The following SLC30A7 variants were observed in gnomAD, a reference collection of about 807,000 sequenced individuals.
The protein encoded by SLC30A7 is solute carrier family 30 member 7.
In SLC30A7, 35 loss-of-function variants were observed where a neutral mutation model predicts 46.0. The ratio of observed to expected loss-of-function variants is 0.76; its 90% CI spans 0.58 to 1.01. SLC30A7 has a LOEUF of 1.01. Among genes scored for constraint, SLC30A7 ranks in the 50% least tolerant of loss-of-function variants. The pLI, the probability that SLC30A7 is intolerant of heterozygous loss-of-function variation, is 0.00. For synonymous variants in SLC30A7, 147 were observed against 157.8 expected (o/e 0.93, Z 0.51); for missense variants, 464 against 451.1 (o/e 1.03, Z -0.26).
intron 6 of SLC30A7, among the ~76,000 whole-genome samples, chr1:100,915,189 T>TCCCTTCCTCAC (rs1216720657): frequency 8.4e-5 from 7 of 82,956 alleles, no homozygotes; most frequent in African/African-American, 3.3e-4. Flanking sequence ...TTTTCTTTTC[T>TCCCTTCCTCAC]TTCTTTTCTT....
intron 8 of SLC30A7, among the ~76,000 whole-genome samples, chr1:100,937,381 A>G (rs1172718873): frequency 6.6e-6 from 1 of 152,228 alleles, no homozygotes; most frequent in African/African-American, 2.4e-5. Flanking sequence ...ACACCAGTTT[A>G]CATTTTCACC....
intron 8 of SLC30A7, 109 bp downstream of exon 8, chr1:100,921,950 C>G: frequency 1.0e-5 from 4 of 398,194 alleles, no homozygotes; most frequent in Non-Finnish European, 1.6e-5. Context: ...CCTTTGCTTG[C>G]TTTTTTTTTT....
chr1:100,915,812 G>A (rs1016845149), intron 6 of SLC30A7, among the ~76,000 whole-genome samples: 1 of 152,062 alleles, frequency 6.6e-6, no homozygotes, highest in African/African-American at 2.4e-5. Context: ...CTGATCATAC[G>A]GTAGTTCCAT....
chr1:100,921,156 T>A (rs762935555), intron 7 of SLC30A7, among the ~76,000 whole-genome samples: 9 of 152,118 alleles, frequency 5.9e-5, no homozygotes, highest in Non-Finnish European at 7.4e-5. Flanking sequence ...TGCTTTCACG[T>A]CACCTCTGAG....
intron 6 of SLC30A7, among the ~76,000 whole-genome samples, chr1:100,914,554 T>C (rs1652353155): frequency 6.6e-6 from 1 of 152,200 alleles, no homozygotes; most frequent in Non-Finnish European, 1.5e-5. Context: ...TAGAAATCTT[T>C]GGATGCTAAC....
At chr1:100,934,993 C>T (rs1039992345) in intron 8 of SLC30A7, among the ~76,000 whole-genome samples, 1 of 152,026 alleles carries the variant, frequency 6.6e-6, no homozygotes, top group African/African-American at 2.4e-5. Context: ...CAGACCAAGA[C>T]TCTGTCCCAC....
intron 8 of SLC30A7, among the ~76,000 whole-genome samples, chr1:100,948,277 A>G (rs1029455322): frequency 6.6e-6 from 1 of 152,106 alleles, no homozygotes; most frequent in Non-Finnish European, 1.5e-5. Context: ...TCTGTAAAAG[A>G]TTTTATTTCT....
Position 100,896,660 on chromosome 1 carries a change from C to A in SLC30A7, c.171C>A (p.Ile57=). Residue 57 remains isoleucine, a synonymous_variant, in exon 2 of 11, where the codon ATC becomes ATA. Transcript: ENST00000357650. ...CTTTTGTGGAACTACTCTACGGCAT[C>A]TGGAGCAACTGGTAACCAAAGGGGA... ...SFAFVELLYG[I]WSNCLGLISD... The A allele has an allele frequency of 6.2e-7, 1 of 1,613,910 alleles. No homozygotes were observed. Among genetic ancestry groups the A allele is most frequent in the Non-Finnish European group, 8.5e-7 (1 of 1,179,864 alleles).
the SLC30A7 span, chr1:100,992,810 G>A: frequency 9.5e-7 from 1 of 1,051,820 alleles, no homozygotes; most frequent in East Asian, 2.4e-5. Context: ...AATGCAATTA[G>A]CTCTCCCAGG....
intron 6 of SLC30A7, among the ~76,000 whole-genome samples, chr1:100,914,339 C>T (rs528366981): frequency 6.6e-6 from 1 of 152,270 alleles, no homozygotes; most frequent in South Asian, 2.1e-4. Context: ...CCCCCTTTCC[C>T]TCCCCTCAAA....
intron 2 of SLC30A7, among the ~76,000 whole-genome samples, chr1:100,901,892 T>G (rs1414156528): frequency 6.6e-6 from 1 of 152,274 alleles, no homozygotes; most frequent in Non-Finnish European, 1.5e-5. Flanking sequence ...TTTACTGAAG[T>G]TACCTTTGGT....
chr1:100,904,302 A>G (rs1651502544), intron 2 of SLC30A7, among the ~76,000 whole-genome samples: 1 of 152,194 alleles, frequency 6.6e-6, no homozygotes, highest in African/African-American at 2.4e-5. Context: ...AGTCTGTGAT[A>G]AGCCAATTGG....
At chr1:100,905,440 A>G (rs1349884184) in intron 2 of SLC30A7, among the ~76,000 whole-genome samples, 1 of 151,592 alleles carries the variant, frequency 6.6e-6, no homozygotes, top group Non-Finnish European at 1.5e-5. Context: ...ATTTTCTTTT[A>G]TGAATTTCAG....
chr1:100,928,953 G>A (rs1653490920), intron 8 of SLC30A7, among the ~76,000 whole-genome samples: 1 of 152,146 alleles, frequency 6.6e-6, no homozygotes, highest in African/African-American at 2.4e-5. Flanking sequence ...GGATGACTAA[G>A]TTGTCAGCAA....
At chr1:100,961,786 C>T in intron 8 of SLC30A7, 42 bp from the exon 9 acceptor site, 3 of 1,239,702 alleles carry the variant, frequency 2.4e-6, no homozygotes, top group Non-Finnish European at 3.5e-6. Context: ...ATGGGATTAG[C>T]AGAATGTGAC....
At chr1:100,900,502 C>T (rs960675787) in intron 2 of SLC30A7, among the ~76,000 whole-genome samples, 2 of 152,124 alleles carry the variant, frequency 1.3e-5, no homozygotes, top group Non-Finnish European at 2.9e-5. Flanking sequence ...TTAAAATCAA[C>T]TTTTTCCTTC....
At chr1:100,960,404 C>T (rs114023684) in intron 8 of SLC30A7, among the ~76,000 whole-genome samples, 85 of 152,230 alleles carry the variant, frequency 5.6e-4, no homozygotes, top group African/African-American at 1.9e-3. Context: ...TTCTGTCATT[C>T]GTTTAACCAA....
At chr1:100,995,647 A>G in the SLC30A7 span, 1 of 155,754 alleles carries the variant, frequency 6.4e-6, no homozygotes, top group East Asian at 1.9e-4. Context: ...GGATTTGAGC[A>G]TGGACTGTGT....
At chr1:100,918,261 G>C in intron 7 of SLC30A7, 134 bp downstream of exon 7, 1 of 653,382 alleles carries the variant, frequency 1.5e-6, no homozygotes, top group Non-Finnish European at 2.6e-6. Flanking sequence ...CCTTTCTAGT[G>C]ATTGTTTTTT....
Sources: gnomAD v4.1 joint callset for allele counts (sites outside exome capture counted in the v4.1 genomes callset) on GRCh38, gnomAD v4.1.1 for gene constraint, MANE v1.5 for transcripts, NCBI Gene and HGNC (gene_info 2026-07-23, HGNC 2026-07-21) for gene names.